Variants in TRMT11 observed in about 807,000 individuals in gnomAD.
TRMT11 encodes the protein tRNA (guanine(10)-N(2))-methyltransferase TRMT11.
A neutral mutation model predicts 62.8 loss-of-function variants in TRMT11; 53 were observed. That is an observed-to-expected ratio of 0.84 (90% CI 0.68 to 1.06). The LOEUF (loss-of-function observed/expected upper bound fraction) is 1.06, where lower values mean the gene tolerates loss of function less well. Ranked by LOEUF, TRMT11 falls within the 50% of genes least tolerant of loss-of-function variation. The pLI is 0.00. For synonymous variants in TRMT11, 188 were observed against 190.3 expected (o/e 0.99, Z 0.10); for missense variants, 556 against 553.4 (o/e 1.00, Z -0.05).
chr6:126,061,271 C>A (rs1383070568), intron 17 of TRMT11, among the ~76,000 whole-genome samples: 1 of 152,232 alleles, frequency 6.6e-6, no homozygotes. Context: ...GTGGATGTTA[C>A]AATCTGGGAA....
intron 21 of TRMT11, among the ~76,000 whole-genome samples, chr6:126,158,225 C>CTA (rs1450161821): frequency 4.6e-5 from 7 of 152,186 alleles, no homozygotes; most frequent in Admixed American, 2.0e-4. Flanking sequence ...AACCTTCAGT[C>CTA]TATGGTTCTT....
chr6:126,064,757 AG>A (rs888635035), intron 17 of TRMT11, among the ~76,000 whole-genome samples: 5 of 152,234 alleles, frequency 3.3e-5, no homozygotes, highest in African/African-American at 1.2e-4. Context: ...GACAGCTCTT[AG>A]GCTGCAGATT....
chr6:126,238,738 A>C, the TRMT11 span, among the ~76,000 whole-genome samples: 1 of 152,180 alleles, frequency 6.6e-6, no homozygotes, highest in Admixed American at 6.5e-5. Flanking sequence ...CGCTTGGTGC[A>C]GAGGTGTGTT....
At chr6:126,110,730 G>A (rs1387710658) in intron 17 of TRMT11, among the ~76,000 whole-genome samples, 1 of 152,056 alleles carries the variant, frequency 6.6e-6, no homozygotes, top group Non-Finnish European at 1.5e-5. Flanking sequence ...CTGTTTTGGG[G>A]TCAAAGCTTT....
the TRMT11 span, among the ~76,000 whole-genome samples, chr6:126,229,777 G>T: frequency 6.6e-6 from 1 of 152,112 alleles, no homozygotes; most frequent in South Asian, 2.1e-4. Flanking sequence ...CTTTTGTACC[G>T]TGCTATTTCT....
chr6:126,178,259 T>C (rs540057202), intron 1 of TRMT11, among the ~76,000 whole-genome samples: 1 of 152,308 alleles, frequency 6.6e-6, no homozygotes, highest in South Asian at 2.1e-4. Flanking sequence ...CTTTTTGAGG[T>C]AGCCACACCC....
the TRMT11 span, among the ~76,000 whole-genome samples, chr6:126,210,357 A>G: frequency 6.6e-6 from 1 of 152,194 alleles, no homozygotes; most frequent in South Asian, 2.1e-4. Context: ...TATGACCACA[A>G]AGAACTAAAT....
chr6:126,011,196 C>A, intron 8 of TRMT11, 57 bp from the exon 9 acceptor site: 1 of 1,421,634 alleles, frequency 7.0e-7, no homozygotes, highest in Non-Finnish European at 9.5e-7. Flanking sequence ...TCCTAAATGA[C>A]AGAAAATAAG....
the TRMT11 span, among the ~76,000 whole-genome samples, chr6:126,253,665 G>A: frequency 2.6e-5 from 4 of 152,082 alleles, no homozygotes; most frequent in African/African-American, 4.8e-5. Flanking sequence ...CAGGACCATC[G>A]TCATATATGC....
At chr6:126,138,880 A>T (rs1777882332) in intron 21 of TRMT11, among the ~76,000 whole-genome samples, 1 of 152,022 alleles carries the variant, frequency 6.6e-6, no homozygotes, top group African/African-American at 2.4e-5. Context: ...TTGTAGGGAA[A>T]ATTATATACC....
intron 17 of TRMT11, among the ~76,000 whole-genome samples, chr6:126,073,629 T>G (rs1776925244): frequency 6.6e-6 from 1 of 150,714 alleles, no homozygotes. Flanking sequence ...TGTTCCTAGT[T>G]TTTTTTTTAG....
At chr6:126,258,354 G>A in the TRMT11 span, 2 of 375,434 alleles carry the variant, frequency 5.3e-6, no homozygotes, top group Non-Finnish European at 1.0e-5. Context: ...GGCTGCCAGG[G>A]CCATGTACGT....
chr6:126,087,867 C>A (rs1777232128), intron 17 of TRMT11, among the ~76,000 whole-genome samples: 1 of 152,200 alleles, frequency 6.6e-6, no homozygotes, highest in African/African-American at 2.4e-5. Context: ...CCCAAGCTTC[C>A]AGCTTCCCCA....
chr6:126,236,873 C>T, the TRMT11 span, among the ~76,000 whole-genome samples: 417 of 152,106 alleles, frequency 2.7e-3, 5 homozygotes, highest in South Asian at 0.022. Flanking sequence ...TTAGGTAATC[C>T]CTCTACATGG....
chr6:126,077,638 C>G (rs1777057508), intron 17 of TRMT11, among the ~76,000 whole-genome samples: 1 of 152,148 alleles, frequency 6.6e-6, no homozygotes, highest in South Asian at 2.1e-4. Flanking sequence ...AATTTATAAT[C>G]CTAGTGATCA....
At chr6:126,125,097 A>G (rs1328701979) in intron 21 of TRMT11, among the ~76,000 whole-genome samples, 1 of 152,072 alleles carries the variant, frequency 6.6e-6, no homozygotes, top group Non-Finnish European at 1.5e-5. Flanking sequence ...CCTGTGGCTC[A>G]AGTGGGGTCA....
At chr6:126,015,444 G>A (rs1794861977) in intron 11 of TRMT11, among the ~76,000 whole-genome samples, 1 of 151,950 alleles carries the variant, frequency 6.6e-6, no homozygotes, top group Admixed American at 6.6e-5. Context: ...TAGCCAGGAT[G>A]ATCTTGATCT....
rs1562334834 is a variant in TRMT11 at position 126,151,859 on chromosome 6, T to TCC, written c.*1824-22966_*1824-22965insCC. On this transcript the variant is annotated intron_variant and NMD_transcript_variant, in intron 21 of 22. Transcript: ENST00000648977. Reference sequence around the variant, plus strand: ...CTTTCTTTCTTTCTTTCTTTCTTTCTTTCTTTCCTTCTTTCTCCTTCCTTC... The same window carrying TCC: ...CTTTCTTTCTTTCTTTCTTTCTTTCTCCTTCTTTCCTTCTTTCTCCTTCCTTC... Among the ~76,000 whole-genome samples the TCC allele has an allele frequency of 2.6e-3, 339 of 132,444 alleles. 3 individuals carry two copies. Among genetic ancestry groups the TCC allele is most frequent in the South Asian group, 3.8e-3 (16 of 4,198 alleles). The allele number at this position is 132,444 out of a possible 152,430, so 86.9% of individuals were successfully genotyped here.
chr6:126,264,062 G>A, the TRMT11 span, among the ~76,000 whole-genome samples: 53 of 152,252 alleles, frequency 3.5e-4, no homozygotes, highest in African/African-American at 1.3e-3. Context: ...CAGAACGGCA[G>A]AGTGCATATT....
Sources: gnomAD v4.1 joint callset for allele counts (sites outside exome capture counted in the v4.1 genomes callset) on GRCh38, gnomAD v4.1.1 for gene constraint, MANE v1.5 for transcripts, NCBI Gene and HGNC (gene_info 2026-07-23, HGNC 2026-07-21) for gene names.